The following CFH variants were observed in gnomAD, a reference collection of about 807,000 sequenced individuals.
CFH encodes the protein complement factor H.
In CFH, 53 loss-of-function variants were observed where a neutral mutation model predicts 147.3. The ratio of observed to expected loss-of-function variants is 0.36; its 90% CI spans 0.29 to 0.45. The LOEUF (loss-of-function observed/expected upper bound fraction) is 0.45. Ranked by LOEUF, CFH falls within the 20% of genes least tolerant of loss-of-function variation. The pLI is 1.00. For missense variants in CFH, 1,380 were observed against 1,498.0 expected (o/e 0.92, Z 1.30); for synonymous variants, 536 against 489.4 (o/e 1.10, Z -1.26).
At chr1:196,667,402 A>C (rs1443871093) in intron 1 of CFH, among the ~76,000 whole-genome samples, 1 of 152,220 alleles carries the variant, frequency 6.6e-6, no homozygotes, top group Non-Finnish European at 1.5e-5. Flanking sequence ...CAATTATTAC[A>C]TCTTTCTGTT....
intron 17 of CFH, among the ~76,000 whole-genome samples, chr1:196,738,890 T>TC (rs1267995728): frequency 6.6e-6 from 1 of 152,088 alleles, no homozygotes; most frequent in East Asian, 1.9e-4. Context: ...CCATGTGGGC[T>TC]CCCCCCTGCA....
At chr1:196,676,499 A>C (rs1436287219) in intron 4 of CFH, among the ~76,000 whole-genome samples, 1 of 152,068 alleles carries the variant, frequency 6.6e-6, no homozygotes, top group Non-Finnish European at 1.5e-5. Context: ...TTGCCTGTGG[A>C]CTTACCTTTA....
chr1:196,684,351 T>C (rs1208652606), intron 6 of CFH, among the ~76,000 whole-genome samples: 2 of 152,010 alleles, frequency 1.3e-5, no homozygotes, highest in African/African-American at 4.8e-5. Flanking sequence ...TGCTATTTTA[T>C]CCTATTATAG....
At chr1:196,679,518 T>A in intron 5 of CFH, 105 bp from the exon 6 acceptor site, 1 of 820,634 alleles carries the variant, frequency 1.2e-6, no homozygotes, top group Non-Finnish European at 2.0e-6. Context: ...TTTGGTTGAC[T>A]GATTTACCTG....
At chr1:196,695,869 C>T (rs1323159737) in intron 9 of CFH, among the ~76,000 whole-genome samples, 5 of 152,056 alleles carry the variant, frequency 3.3e-5, no homozygotes, top group Admixed American at 2.0e-4. Flanking sequence ...TGAGACTTTC[C>T]TGAAGTTACT....
chr1:196,686,211 G>A (rs1667821037), intron 7 of CFH, among the ~76,000 whole-genome samples: 1 of 152,094 alleles, frequency 6.6e-6, no homozygotes, highest in Admixed American at 6.6e-5. Context: ...TGTGTGTGGG[G>A]ACACAGAGCC....
At chr1:196,661,817 A>G (rs957844806) in intron 1 of CFH, among the ~76,000 whole-genome samples, 4 of 152,232 alleles carry the variant, frequency 2.6e-5, no homozygotes, top group Non-Finnish European at 5.9e-5. Context: ...AAGATTACCT[A>G]TCTATCAGTC....
chr1:196,730,860 T>C (rs920916964), intron 15 of CFH, among the ~76,000 whole-genome samples: 1 of 151,860 alleles, frequency 6.6e-6, no homozygotes, highest in Non-Finnish European at 1.5e-5. Flanking sequence ...ATACAATTTT[T>C]CCCTTGTCTA....
intron 9 of CFH, among the ~76,000 whole-genome samples, chr1:196,697,159 T>C (rs1668301308): frequency 6.6e-6 from 1 of 152,034 alleles, no homozygotes. Flanking sequence ...ACAAATGGGA[T>C]CTAATTAAAC....
intron 11 of CFH, 57 bp downstream of exon 11, chr1:196,715,826 A>C: frequency 6.8e-7 from 1 of 1,461,470 alleles, no homozygotes; most frequent in Non-Finnish European, 9.4e-7. Context: ...CTGTTTTCCA[A>C]TTTTAAAAAT....
At chr1:196,715,842 T>G in intron 11 of CFH, 73 bp downstream of exon 11, 1 of 1,273,488 alleles carries the variant, frequency 7.9e-7, no homozygotes, top group South Asian at 1.3e-5. Context: ...AAAATTTGAA[T>G]TATATAGAGG....
intron 1 of CFH, among the ~76,000 whole-genome samples, chr1:196,654,992 T>C (rs1471658559): frequency 1.3e-5 from 2 of 152,206 alleles, no homozygotes; most frequent in Non-Finnish European, 2.9e-5. Flanking sequence ...GATGGCCCAA[T>C]TGGCTTCAAT....
Position 196,725,145 on chromosome 1 carries a change from T to G in CFH, c.1721T>G (p.Ile574Arg). 2 of 1,613,568 alleles carry G rather than the reference T, an allele frequency of 1.2e-6. No homozygotes were observed. The highest frequency in any genetic ancestry group is 1.7e-6 in the Non-Finnish European group (2 of 1,179,680). The change falls in exon 12 of 22, where the codon ATA (isoleucine) becomes AGA (arginine). Residue 574 changes from isoleucine (I) to arginine (R), a missense_variant. Physicochemically the swap from Ile to Arg is moderately conservative, Grantham distance 97 (BLOSUM62 -3). This residue lies in a region of CFH where 830 missense variants were observed against 821.4 expected (regional missense o/e 1.01). Coordinates refer to ENST00000367429, the MANE Select transcript of CFH (RefSeq NM_000186.4). The stretch of plus-strand genomic sequence containing the variant: ...GAAAGAGAATGCGAACTTCCTAAAA[T>G]AGATGTACACTTAGTTCCTGATCGC... The part of the protein sequence containing the change: ...CYERECELPK[I>R]DVHLVPDRKK...
At chr1:196,703,243 TG>T (rs1341109143) in intron 9 of CFH, among the ~76,000 whole-genome samples, 2 of 152,150 alleles carry the variant, frequency 1.3e-5, no homozygotes, top group Non-Finnish European at 2.9e-5. Context: ...TAGAACCACC[TG>T]GGCCCCCAAA....
intron 5 of CFH, 58 bp from the exon 6 acceptor site, chr1:196,679,565 C>T: frequency 7.8e-7 from 1 of 1,276,394 alleles, no homozygotes; most frequent in Non-Finnish European, 1.1e-6. Context: ...TAATTATGTC[C>T]TGGTCACAGT....
chr1:196,711,071 G>A (rs1344446346), intron 9 of CFH, among the ~76,000 whole-genome samples: 1 of 151,966 alleles, frequency 6.6e-6, no homozygotes, highest in Non-Finnish European at 1.5e-5. Flanking sequence ...AGCAATTTGT[G>A]TTATTTTTTC....
intron 16 of CFH, 82 bp downstream of exon 16, chr1:196,737,088 G>GAAC: frequency 3.3e-6 from 4 of 1,201,832 alleles, no homozygotes; most frequent in Non-Finnish European, 4.8e-6. Context: ...CAAGAGAGAA[G>GAAC]TTCTTTCTCT....
chr1:196,714,042 C>G, intron 10 of CFH, 125 bp downstream of exon 10: 1 of 795,238 alleles, frequency 1.3e-6, no homozygotes, highest in Non-Finnish European at 2.0e-6. Context: ...CCTGCAGGAA[C>G]AAAGCAGACA....
At chr1:196,699,863 A>G (rs921224861) in intron 9 of CFH, among the ~76,000 whole-genome samples, 3 of 152,200 alleles carry the variant, frequency 2.0e-5, no homozygotes, top group South Asian at 4.1e-4. Flanking sequence ...AGGACAATCA[A>G]TGGTAATCAT....
Sources: gnomAD v4.1 joint callset for allele counts (sites outside exome capture counted in the v4.1 genomes callset) on GRCh38, gnomAD v4.1.1 for gene constraint, gnomAD v4.1.1 regional missense constraint, MANE v1.5 for transcripts, NCBI Gene and HGNC (gene_info 2026-07-23, HGNC 2026-07-21) for gene names.